The following TEX14 variants were observed in gnomAD, a reference collection of about 807,000 sequenced individuals.
TEX14 encodes the protein testis expressed 14, intercellular bridge forming factor.
In TEX14, 168 loss-of-function variants were observed where a neutral mutation model predicts 178.6. That is an observed-to-expected ratio of 0.94 (90% CI 0.83 to 1.07). TEX14 has a LOEUF of 1.07. Ranked by LOEUF, TEX14 falls within the 50% of genes least tolerant of loss-of-function variation. The probability of loss-of-function intolerance (pLI) is 0.00; values close to 1 mark genes in which losing one functional copy is unlikely to be tolerated. For missense variants in TEX14, 1,730 were observed against 1,753.6 expected (o/e 0.99, Z 0.24); for synonymous variants, 626 against 634.1 (o/e 0.99, Z 0.19).
At chr17:58,636,613 C>A (rs925027294) in intron 2 of TEX14, among the ~76,000 whole-genome samples, 12 of 152,178 alleles carry the variant, frequency 7.9e-5, no homozygotes, top group African/African-American at 2.9e-4. Flanking sequence ...CACTATACCA[C>A]TGTCTCTGTG....
intron 6 of TEX14, 70 bp downstream of exon 6, chr17:58,617,468 G>T: frequency 8.8e-7 from 1 of 1,134,220 alleles, no homozygotes; most frequent in Non-Finnish European, 1.3e-6. Context: ...GTTGGACAAA[G>T]GTGGGAGATG....
chr17:58,594,356 CTT>C (rs1216981083), intron 14 of TEX14, among the ~76,000 whole-genome samples: 13 of 141,604 alleles, frequency 9.2e-5, no homozygotes, highest in Middle Eastern at 3.3e-3. Flanking sequence ...GAATCTTTTT[CTT>C]TTTTTTTTTT....
intron 1 of TEX14, among the ~76,000 whole-genome samples, chr17:58,683,702 G>C (rs925880917): frequency 9.9e-5 from 15 of 150,982 alleles, no homozygotes; most frequent in Admixed American, 6.7e-4. Context: ...GGCGGGGTCT[G>C]CAGTGAGCTG....
chr17:58,659,037 G>A (rs890260752), intron 1 of TEX14, among the ~76,000 whole-genome samples: 3 of 150,470 alleles, frequency 2.0e-5, no homozygotes, highest in South Asian at 2.1e-4. Context: ...AACCTAAGAA[G>A]ACGTAAGGTC....
intron 3 of TEX14, among the ~76,000 whole-genome samples, chr17:58,630,058 CT>C (rs71143259): frequency 6.9e-6 from 1 of 145,062 alleles, no homozygotes. Flanking sequence ...AAAATTCACC[CT>C]TTTTTTTTTA....
chr17:58,659,374 TATG>T, intron 1 of TEX14: 1 of 977,870 alleles, frequency 1.0e-6, no homozygotes, highest in Non-Finnish European at 1.2e-6. Context: ...CAAATTGTAT[TATG>T]AGTTGTTTTT....
intron 1 of TEX14, among the ~76,000 whole-genome samples, chr17:58,656,908 G>C (rs2046978301): frequency 9.0e-6 from 1 of 110,958 alleles, no homozygotes; most frequent in African/African-American, 3.9e-5. Flanking sequence ...GGGTGACTGA[G>C]CAAAACTCCC....
intron 3 of TEX14, 95 bp downstream of exon 3, chr17:58,630,345 C>T (rs1203860720): frequency 1.2e-5 from 11 of 937,094 alleles, no homozygotes; most frequent in African/African-American, 1.6e-5. Flanking sequence ...TATGAGACAC[C>T]GCACCCGGCC....
At chr17:58,576,281 T>C (rs937345624) in intron 21 of TEX14, among the ~76,000 whole-genome samples, 1 of 151,976 alleles carries the variant, frequency 6.6e-6, no homozygotes, top group African/African-American at 2.4e-5. Flanking sequence ...AGGTCAAGAG[T>C]TCGAGATCAA....
At chr17:58,679,133 T>TA (rs2047445021) in intron 1 of TEX14, among the ~76,000 whole-genome samples, 2 of 151,882 alleles carry the variant, frequency 1.3e-5, no homozygotes, top group South Asian at 4.1e-4. Context: ...CAGCCTGGGC[T>TA]ACAAGAGCGA....
At position 58,559,546 on chromosome 17, in the gene TEX14, C is replaced by G; in HGVS notation, c.4174G>C (p.Asp1392His). The G allele has an allele frequency of 6.5e-7, 1 of 1,546,302 alleles. No individual in the cohort carries two copies. Among genetic ancestry groups the G allele is most frequent in the Non-Finnish European group, 8.9e-7 (1 of 1,120,300 alleles). The change falls in exon 30 of 32, where the codon GAT (aspartate) becomes CAT (histidine). Residue 1392 changes from aspartate to histidine, a missense_variant. By Grantham distance (81) the Asp-to-His change is moderately conservative. Transcript: ENST00000349033. ...KGSERETNIK[D>H]QKVGEEKRKR... The stretch of plus-strand genomic sequence containing the variant: ...CTTTTCTCTTCACCAACTTTTTGAT[C>G]TTTGATATTTGTCTCCCTGTAACAA...
At chr17:58,645,826 C>T (rs1404240019) in intron 2 of TEX14, among the ~76,000 whole-genome samples, 3 of 152,146 alleles carry the variant, frequency 2.0e-5, no homozygotes, top group Non-Finnish European at 4.4e-5. Flanking sequence ...CCCTCCCATA[C>T]CAGTAAAATC....
chr17:58,661,766 GCCGGGTCTGAATCGCTGCTCCACT>G (rs1297692545), intron 1 of TEX14: 38 of 546,146 alleles, frequency 7.0e-5, no homozygotes, highest in Admixed American at 4.6e-4. Context: ...AGTCGGTTGT[GCCGGGTCTGAATCGCTGCTCCACT>G]CCGGGTCTTC....
chr17:58,627,444 C>T (rs1362595570), intron 3 of TEX14, among the ~76,000 whole-genome samples: 3 of 151,994 alleles, frequency 2.0e-5, no homozygotes, highest in South Asian at 2.1e-4. Flanking sequence ...TCACTCAAGG[C>T]GATGTTTATA....
Position 58,613,462 on chromosome 17 carries a change from G to A in TEX14, c.964C>T (p.Arg322Cys), listed in dbSNP as rs372649760. The A allele has an allele frequency of 3.0e-5, 49 of 1,614,076 alleles. No homozygotes were observed. The highest frequency in any genetic ancestry group is 3.3e-4 in the Middle Eastern group (2 of 6,060). The change falls in exon 9 of 32, where the codon CGC becomes TGC. Residue 322 changes from arginine to cysteine, a missense_variant. This residue lies in a region of TEX14 where 789 missense variants were observed against 681.2 expected (regional missense o/e 1.16). Coordinates refer to ENST00000349033, the MANE Select transcript of TEX14 (RefSeq NM_031272.5). ...CTGAACAATGTGCCGATAGTGATGC[G>A]CTCGTACACAAGGCGGGTTTTCTCT... ...DLEKTRLVYERITIGTLFSVL... is the reference protein window; with the variant it reads ...DLEKTRLVYECITIGTLFSVL...
rs751892069 is a variant in TEX14, at chr17:58,585,918, T to C, written c.2953A>G (p.Ile985Val). The C allele has an allele frequency of 5.6e-6, 9 of 1,613,898 alleles. No individual in the cohort carries two copies. In the East Asian group the frequency reaches 2.0e-4, roughly 36 times the overall value. The change falls in exon 18 of 32, where the codon ATT (isoleucine) becomes GTT (valine). Residue 985 changes from isoleucine to valine, a missense_variant. Transcript: ENST00000349033. ...SPENTDWQRV[I>V]EYHRENDEPR... Reference sequence around the variant, plus strand: ...TCATCATTTTCCCTATGATACTCAATAACTCGCTGCCAATCCGTGTTTTCT... The same window carrying C: ...TCATCATTTTCCCTATGATACTCAACAACTCGCTGCCAATCCGTGTTTTCT...
At chr17:58,652,085 C>A in intron 1 of TEX14, 83 bp from the exon 2 acceptor site, 1 of 1,105,456 alleles carries the variant, frequency 9.0e-7, no homozygotes. Flanking sequence ...ATTTAGAAAC[C>A]TGTCCAGCCA....
rs143326038 is a variant in TEX14, at chr17:58,614,378, T to C, written c.882-834A>G. On this transcript the variant is annotated intron_variant, in intron 8 of 31. Transcript: ENST00000349033. Reference sequence around the variant, plus strand: ...AGTGGCGCACGCCAGTAGTCCCAGCTACTCAGGAGGCTGAGGCCTGGGAAT... The same window carrying C: ...AGTGGCGCACGCCAGTAGTCCCAGCCACTCAGGAGGCTGAGGCCTGGGAAT... Among the ~76,000 whole-genome samples, 179 of 152,262 alleles carry C rather than the reference T, an allele frequency of 1.2e-3. 1 individual carries two copies. Among genetic ancestry groups the C allele is most frequent in the African/African-American group, 4.2e-3 (176 of 41,556 alleles).
At chr17:58,563,031 C>T (rs1272678162) in intron 28 of TEX14, among the ~76,000 whole-genome samples, 1 of 151,758 alleles carries the variant, frequency 6.6e-6, no homozygotes, top group Non-Finnish European at 1.5e-5. Flanking sequence ...TGTTCATGCC[C>T]TATTGCACTC....
Sources: gnomAD v4.1 joint callset for allele counts (sites outside exome capture counted in the v4.1 genomes callset) on GRCh38, gnomAD v4.1.1 for gene constraint, gnomAD v4.1.1 regional missense constraint, MANE v1.5 for transcripts, NCBI Gene and HGNC (gene_info 2026-07-23, HGNC 2026-07-21) for gene names.